The following LARGE1 variants were observed in gnomAD, a reference collection of about 807,000 sequenced individuals.
LARGE1 encodes LARGE xylosyl- and glucuronyltransferase 1.
Under a neutral mutation model 87.6 loss-of-function variants are expected in LARGE1, and 43 were observed. The ratio of observed to expected loss-of-function variants is 0.49; its 90% CI spans 0.38 to 0.63. The LOEUF (loss-of-function observed/expected upper bound fraction) is 0.63. Ranked by LOEUF, LARGE1 falls within the 30% of genes least tolerant of loss-of-function variation. The pLI is 0.00. For synonymous variants in LARGE1, 434 were observed against 394.6 expected, an observed-to-expected ratio of 1.10 and a Z score of -1.18; for missense variants, 802 against 1,000.2, an observed-to-expected ratio of 0.80 and a Z score of 2.67.
intron 1 of LARGE1, among the ~76,000 whole-genome samples, chr22:33,788,865 T>C (rs577693366): frequency 1.3e-5 from 2 of 152,254 alleles, no homozygotes; most frequent in South Asian, 2.1e-4. Flanking sequence ...CACAAAGATA[T>C]GGTTTGGAAT....
At chr22:33,181,159 C>T (rs938342311) in intron 11 of LARGE1, among the ~76,000 whole-genome samples, 3 of 152,018 alleles carry the variant, frequency 2.0e-5, no homozygotes, top group African/African-American at 7.2e-5. Context: ...TTTTTCTTTA[C>T]AGTAGAATGT....
At chr22:33,440,781 T>G (rs543477452) in intron 6 of LARGE1, among the ~76,000 whole-genome samples, 1 of 152,284 alleles carries the variant, frequency 6.6e-6, no homozygotes, top group East Asian at 1.9e-4. Context: ...CCGAATAGAC[T>G]GAAAAGGAGA....
intron 5 of LARGE1, among the ~76,000 whole-genome samples, chr22:33,585,926 C>T (rs142664728): frequency 6.6e-6 from 1 of 152,258 alleles, no homozygotes; most frequent in South Asian, 2.1e-4. Flanking sequence ...CTCAAACTCC[C>T]GACCTCAAAC....
At chr22:33,125,937 G>T in the LARGE1 span, among the ~76,000 whole-genome samples, 5 of 151,994 alleles carry the variant, frequency 3.3e-5, no homozygotes, top group East Asian at 9.6e-4. Context: ...TAATAGAGAC[G>T]GGGTTTCACT....
chr22:33,113,939 T>C, the LARGE1 span, among the ~76,000 whole-genome samples: 2 of 151,656 alleles, frequency 1.3e-5, no homozygotes, highest in Non-Finnish European at 2.9e-5. Context: ...GTTGCGATCT[T>C]GGCTCACTGC....
chr22:33,399,185 G>A (rs2065855104), intron 7 of LARGE1, among the ~76,000 whole-genome samples: 1 of 151,014 alleles, frequency 6.6e-6, no homozygotes, highest in Non-Finnish European at 1.5e-5. Flanking sequence ...TGCTCCCTGT[G>A]TCCATGTGTT....
At chr22:33,561,502 C>T (rs574673313) in intron 6 of LARGE1, among the ~76,000 whole-genome samples, 1 of 152,206 alleles carries the variant, frequency 6.6e-6, no homozygotes, top group Non-Finnish European at 1.5e-5. Context: ...ATGTCCAGCT[C>T]CCCTGAATGT....
At chr22:33,128,068 A>C in the LARGE1 span, among the ~76,000 whole-genome samples, 1 of 152,062 alleles carries the variant, frequency 6.6e-6, no homozygotes, top group Non-Finnish European at 1.5e-5. Context: ...TCAGAGAAAA[A>C]CCTTTTTTAA....
the LARGE1 span, among the ~76,000 whole-genome samples, chr22:33,108,036 T>C: frequency 6.6e-6 from 1 of 152,168 alleles, no homozygotes; most frequent in Non-Finnish European, 1.5e-5. Flanking sequence ...AAATGTACTA[T>C]ATTATATATT....
At chr22:33,441,071 CTTTT>C (rs35976426) in intron 6 of LARGE1, among the ~76,000 whole-genome samples, 2,587 of 98,538 alleles carry the variant, frequency 0.026, 114 homozygotes, top group African/African-American at 0.12. Flanking sequence ...TTTGTTTGAA[CTTTT>C]TTTTTTTTTT....
At chr22:33,902,112 A>G (rs947835926) in intron 1 of LARGE1, among the ~76,000 whole-genome samples, 5 of 152,234 alleles carry the variant, frequency 3.3e-5, no homozygotes, top group African/African-American at 1.2e-4. Flanking sequence ...CTGAGAATGA[A>G]CAGAAATCAT....
chr22:33,823,802 C>T (rs374555077), intron 1 of LARGE1, among the ~76,000 whole-genome samples: 2 of 152,132 alleles, frequency 1.3e-5, no homozygotes, highest in African/African-American at 2.4e-5. Context: ...TATCTTTGTT[C>T]GAACTGAGTC....
intron 11 of LARGE1, among the ~76,000 whole-genome samples, chr22:33,175,047 C>A (rs1389243296): frequency 6.6e-6 from 1 of 152,102 alleles, no homozygotes; most frequent in Non-Finnish European, 1.5e-5. Flanking sequence ...AATTTCAGGC[C>A]AATATCCCTG....
chr22:33,861,943 C>T (rs2063938422), intron 1 of LARGE1, among the ~76,000 whole-genome samples: 1 of 150,078 alleles, frequency 6.7e-6, no homozygotes, highest in African/African-American at 2.5e-5. Flanking sequence ...ACTGCAACCT[C>T]TGTCTCCTGG....
chr22:33,603,723 A>G (rs567892528), intron 5 of LARGE1, among the ~76,000 whole-genome samples: 17 of 152,322 alleles, frequency 1.1e-4, no homozygotes, highest in African/African-American at 4.1e-4. Flanking sequence ...GGTTTACGGG[A>G]ATGCCAGTGA....
intron 11 of LARGE1, among the ~76,000 whole-genome samples, chr22:33,232,084 T>C (rs1926033585): frequency 6.6e-6 from 1 of 152,154 alleles, no homozygotes; most frequent in African/African-American, 2.4e-5. Context: ...CCAAACTAGG[T>C]CCCTCTGCTT....
chr22:33,764,353 A>C (rs1424320912), intron 1 of LARGE1, among the ~76,000 whole-genome samples: 2 of 152,154 alleles, frequency 1.3e-5, no homozygotes, highest in Non-Finnish European at 2.9e-5. Flanking sequence ...AGATACCAAA[A>C]TCCACAGATG....
rs145756366 is a variant in LARGE1, at chr22:33,665,712, G to A, written c.107-15044C>T. Among the ~76,000 whole-genome samples, 1,329 of 152,144 alleles carry A rather than the reference G, an allele frequency of 8.7e-3. 21 individuals carry two copies. Among genetic ancestry groups the A allele is most frequent in the African/African-American group, 0.028 (1,165 of 41,488 alleles). ...TGGAGACCATCCTGGCTAACACGGC[G>A]AAATCTCATCTCTACTAAAAATACA... On this transcript the variant is annotated intron_variant, in intron 2 of 14. Coordinates refer to ENST00000397394, the MANE Select transcript of LARGE1 (RefSeq NM_133642.5).
At chr22:33,628,087 T>A (rs752349969) in intron 3 of LARGE1, among the ~76,000 whole-genome samples, 10 of 152,118 alleles carry the variant, frequency 6.6e-5, no homozygotes, top group Non-Finnish European at 1.3e-4. Flanking sequence ...TCTGCTCTTA[T>A]ACCTGCTCCC....
Sources: allele counts gnomAD v4.1 joint callset (sites outside exome capture counted in the v4.1 genomes callset), GRCh38; gene constraint gnomAD v4.1.1; transcripts MANE v1.5; gene names NCBI Gene and HGNC (gene_info 2026-07-23, HGNC 2026-07-21).